The following ITGAD variants were observed in gnomAD, a reference collection of about 807,000 sequenced individuals.
The protein encoded by ITGAD is integrin alpha-D.
ITGAD carries 105 observed loss-of-function variants against 139.0 expected under a neutral mutation model. That is an observed-to-expected ratio of 0.76 (90% CI 0.65 to 0.89). The LOEUF (loss-of-function observed/expected upper bound fraction) is 0.89. Ranked by LOEUF, ITGAD falls within the 40% of genes least tolerant of loss-of-function variation. The probability of loss-of-function intolerance (pLI) is 0.00; values close to 1 mark genes in which losing one functional copy is unlikely to be tolerated. For synonymous variants in ITGAD, 569 were observed against 598.3 expected (o/e 0.95, Z 0.71); for missense variants, 1,384 against 1,487.3 (o/e 0.93, Z 1.14).
intron 23 of ITGAD, among the ~76,000 whole-genome samples, chr16:31,421,823 T>C (rs562112692): frequency 1.6e-4 from 24 of 152,260 alleles, no homozygotes; most frequent in Admixed American, 8.5e-4. Context: ...CTGGAGCCCA[T>C]GTTTTTAGTC....
chr16:31,412,163 C>G (rs1597141080), intron 14 of ITGAD, among the ~76,000 whole-genome samples: 1 of 151,544 alleles, frequency 6.6e-6, no homozygotes, highest in Admixed American at 6.6e-5. Flanking sequence ...TCCCGAGTAG[C>G]CTCCCGAGTA....
intron 1 of ITGAD, 127 bp downstream of exon 1, chr16:31,393,518 T>C: frequency 5.1e-6 from 5 of 987,740 alleles, no homozygotes; most frequent in Admixed American, 1.8e-5. Context: ...AGGGGAGTGC[T>C]TCATGTGCGA....
rs1391449240 is a variant in ITGAD at position 31,393,373 on chromosome 16, A to G, written c.13A>G (p.Thr5Ala). The change falls in exon 1 of 30, where the codon ACT becomes GCT. Residue 5 changes from threonine (T) to alanine (A), a missense_variant. Thr to Ala is a moderately conservative substitution (Grantham distance 58). Coordinates refer to ENST00000389202, the MANE Select transcript of ITGAD (RefSeq NM_005353.3). ...GCGCTGCTCAGGGATGACCTTCGGC[A>G]CTGTGCTTCTTCTGAGTGGTAAGTG... MTFG[T>A]VLLLSVLASY... 2 of 1,613,928 alleles carry G rather than the reference A, an allele frequency of 1.2e-6. No homozygotes were observed. The highest frequency in any genetic ancestry group is 1.7e-5 in the Admixed American group (1 of 59,970).
intron 10 of ITGAD, 83 bp from the exon 11 acceptor site, chr16:31,410,312 T>C: frequency 6.3e-7 from 1 of 1,577,366 alleles, no homozygotes; most frequent in Non-Finnish European, 8.7e-7. Context: ...GGATGGCGAG[T>C]GATGCGGGTG....
At position 31,422,452 on chromosome 16, in the gene ITGAD, G is replaced by A. The variant is rs78514794; in HGVS notation, c.2781-662G>A. On this transcript the variant is annotated intron_variant, in intron 23 of 29. Transcript: ENST00000389202. ...CCTTCACATTTACTCACCTGCCCCA[G>A]GACAGCCGAATCTATTTTCTTCATT... is the stretch of plus-strand genomic sequence containing the variant. Among the ~76,000 whole-genome samples, 276 of 152,166 alleles carry A rather than the reference G, an allele frequency of 1.8e-3. 7 individuals carry two copies. The East Asian group carries it at 0.052, about 28-fold the overall frequency.
chr16:31,418,232 G>GTACCAA, intron 21 of ITGAD, 41 bp downstream of exon 21: 3 of 1,602,928 alleles, frequency 1.9e-6, no homozygotes, highest in Non-Finnish European at 2.6e-6. Context: ...GTCCTCCCTT[G>GTACCAA]TCCCAATCTG....
intron 7 of ITGAD, 135 bp from the exon 8 acceptor site, chr16:31,407,380 T>C: frequency 1.2e-6 from 1 of 867,348 alleles, no homozygotes; most frequent in Non-Finnish European, 1.8e-6. Context: ...AACGGCAAAA[T>C]CAATTCCTTA....
intron 5 of ITGAD, among the ~76,000 whole-genome samples, chr16:31,401,108 A>G (rs1305542851): frequency 1.3e-5 from 2 of 152,044 alleles, no homozygotes; most frequent in African/African-American, 4.8e-5. Context: ...AAAGATACAA[A>G]AATTAGCCAG....
Position 31,424,584 on chromosome 16 carries a change from G to A in ITGAD, c.3372+7G>A. The A allele has an allele frequency of 7.0e-7, 1 of 1,437,204 alleles. No individual in the cohort carries two copies. The highest frequency in any genetic ancestry group is 9.6e-7 in the Non-Finnish European group (1 of 1,045,136). 89.0% of individuals were successfully genotyped at this position (1,437,204 alleles called of 1,614,324 possible). A position where few individuals can be genotyped will look rare whatever the true frequency, so the allele number is the denominator to read the frequency against. ...CACAGCCACACTGTACAAGGCAAGT[G>A]TTTTATCCAACTCTTTTTTTTTTTT... On this transcript the variant is annotated splice_region_variant and intron_variant, in intron 29 of 29. Coordinates refer to ENST00000389202, the MANE Select transcript of ITGAD (RefSeq NM_005353.3).
chr16:31,398,358 C>A (rs1380498083), intron 5 of ITGAD, among the ~76,000 whole-genome samples: 2 of 148,608 alleles, frequency 1.3e-5, no homozygotes, highest in Non-Finnish European at 1.5e-5. Context: ...ACCCAGGAGG[C>A]GGAGGTTGCA....
intron 28 of ITGAD, 90 bp downstream of exon 28, chr16:31,424,293 C>G (rs551369412): frequency 6.7e-7 from 1 of 1,501,118 alleles, no homozygotes; most frequent in South Asian, 1.1e-5. Flanking sequence ...GCAAGCCTTG[C>G]GGGAGGAGGG....
At chr16:31,395,535 A>T (rs2081244648) in intron 2 of ITGAD, among the ~76,000 whole-genome samples, 1 of 152,106 alleles carries the variant, frequency 6.6e-6, no homozygotes, top group Admixed American at 6.6e-5. Context: ...ACCCCGAGGG[A>T]GTGGGACACT....
At position 31,416,626 on chromosome 16, in the gene ITGAD, C is replaced by T. The variant is rs748654783; in HGVS notation, c.2479C>T (p.Arg827Ter). The T allele has an allele frequency of 3.1e-6, 5 of 1,610,456 alleles. No individual in the cohort carries two copies. The highest frequency in any genetic ancestry group is 3.3e-5 in the Admixed American group (2 of 59,938). Reference sequence around the variant, plus strand: ...CTACTATCCAGCAGGGCTGTCGCACCGACGGGTGTCAGGAGCCCAGGTAAC... The same window carrying T: ...CTACTATCCAGCAGGGCTGTCGCACTGACGGGTGTCAGGAGCCCAGGTAAC... ...SLYYPAGLSH[R>*]RVSGAQKQPH... Residue 827 changes from arginine (R) to a stop codon, truncating the protein, a stop_gained, in exon 20 of 30, where the codon CGA becomes TGA. Transcript: ENST00000389202. LOFTEE classifies it high-confidence loss of function.
intron 4 of ITGAD, 25 bp downstream of exon 4, chr16:31,397,691 GGGGGT>G: frequency 1.4e-5 from 21 of 1,541,436 alleles, no homozygotes; most frequent in East Asian, 2.3e-5. Context: ...TGGGCCACGG[GGGGGT>G]GGGGTGGGGC....
intron 23 of ITGAD, among the ~76,000 whole-genome samples, chr16:31,420,521 C>G (rs1348306584): frequency 1.3e-5 from 2 of 151,468 alleles, no homozygotes; most frequent in East Asian, 3.9e-4. Flanking sequence ...CCTCAGCCTC[C>G]CGAGTAGTTG....
At chr16:31,395,900 G>A (rs1285870197) in intron 2 of ITGAD, among the ~76,000 whole-genome samples, 2 of 152,110 alleles carry the variant, frequency 1.3e-5, no homozygotes, top group African/African-American at 4.8e-5. Context: ...TTCCTCATGT[G>A]ACTGGCAGTC....
intron 26 of ITGAD, 55 bp downstream of exon 26, chr16:31,423,703 G>A: frequency 1.3e-6 from 2 of 1,558,698 alleles, no homozygotes; most frequent in Non-Finnish European, 8.8e-7. Context: ...GGGGATACTG[G>A]GAAATGTACT....
At position 31,403,702 on chromosome 16, in the gene ITGAD, T is replaced by C. The variant is rs1233785105; in HGVS notation, c.704+57T>C. The stretch of plus-strand genomic sequence containing the variant: ...GACTGCCACCCCCACTTCCTAACCC[T>C]GGGTCAGCACAGCTCTTCTCAGAGG... On this transcript the variant is annotated intron_variant, in intron 7 of 29. Coordinates refer to ENST00000389202, the MANE Select transcript of ITGAD (RefSeq NM_005353.3). This position sits in a 1 kb window ranked among gnomAD's most constrained non-coding sequence, Gnocchi z 4.4. The C allele has an allele frequency of 1.9e-6, 3 of 1,602,568 alleles. No individual in the cohort carries two copies. The highest frequency in any genetic ancestry group is 2.6e-6 in the Non-Finnish European group (3 of 1,171,348).
chr16:31,403,830 G>A lies in ITGAD; in HGVS notation c.704+185G>A. ...TGGTTGCCTCGCTGCCAGTCTCCCT[G>A]ATATAGGACTAGGCTCCTCTGCAGC... On this transcript the variant is annotated intron_variant, in intron 7 of 29. Transcript: ENST00000389202. The surrounding 1 kb of genome is among the most constrained non-coding windows in gnomAD (Gnocchi z 4.4). 1.5e-6 allele frequency: 1 copy of A among 648,044 alleles called. No individual in the cohort carries two copies. Among genetic ancestry groups the A allele is most frequent in the Non-Finnish European group, 2.6e-6 (1 of 380,358 alleles). The allele number at this position is 648,044 out of a possible 1,614,324, so 40.1% of individuals were successfully genotyped here. A position where few individuals can be genotyped will look rare whatever the true frequency, so the allele number is the denominator to read the frequency against.
Sources: gnomAD v4.1 joint callset for allele counts (sites outside exome capture counted in the v4.1 genomes callset) on GRCh38, gnomAD v4.1.1 for gene constraint, Gnocchi (gnomAD v3.1) non-coding constraint, MANE v1.5 for transcripts, NCBI Gene and HGNC (gene_info 2026-07-23, HGNC 2026-07-21) for gene names.